The following ABCF3 variants were observed in gnomAD, a reference collection of about 807,000 sequenced individuals.
ABCF3 encodes the protein ATP-binding cassette sub-family F member 3.
A neutral mutation model predicts 94.3 loss-of-function variants in ABCF3; 62 were observed. That is an observed-to-expected ratio of 0.66 (90% confidence interval 0.54 to 0.81). The LOEUF (loss-of-function observed/expected upper bound fraction) is 0.81. Among genes scored for constraint, ABCF3 ranks in the 40% least tolerant of loss-of-function variants. The pLI is 0.00. For synonymous variants in ABCF3, 355 were observed against 361.1 expected, an observed-to-expected ratio of 0.98 and a Z score of 0.19; for missense variants, 843 against 925.3, an observed-to-expected ratio of 0.91 and a Z score of 1.15.
chr3:184,189,847 A>T lies in ABCF3; in HGVS notation c.1315-8A>T. The T allele has an allele frequency of 6.2e-7, 1 of 1,614,128 alleles. No homozygotes were observed. Among genetic ancestry groups the T allele is most frequent in the Non-Finnish European group, 8.5e-7 (1 of 1,180,018 alleles). ...ATTTGACCAATGCCTACACTCCTCC[A>T]CCTGCAGGTTTTCATTGACCGGTTT... On this transcript the variant is annotated splice_polypyrimidine_tract_variant and splice_region_variant and intron_variant, in intron 13 of 20. Transcript: ENST00000429586.
At position 184,186,803 on chromosome 3, in the gene ABCF3, C is replaced by T; in HGVS notation, c.229C>T (p.Pro77Ser). The stretch of plus-strand genomic sequence containing the variant: ...CTATCCCTACCCACATAGGGCTGAG[C>T]CACAAAGCCAGGGAAATAGCCAGGT... ...RMYNTLRLAE[P>S]QSQGNSQVLL... The change falls in exon 3 of 21, where the codon CCA becomes TCA. Residue 77 changes from proline (P) to serine (S), a missense_variant. Pro to Ser is a moderately conservative substitution (Grantham distance 74). Coordinates refer to ENST00000429586, the MANE Select transcript of ABCF3 (RefSeq NM_018358.3). The T allele has an allele frequency of 6.2e-7, 1 of 1,613,764 alleles. No homozygotes were observed. The highest frequency in any genetic ancestry group is 8.5e-7 in the Non-Finnish European group (1 of 1,179,846).
In ABCF3 at chr3:184,187,682, T is replaced by C. The variant is rs1240978459; in HGVS notation, c.367T>C (p.Leu123=). 6.2e-7 allele frequency: 1 copy of C among 1,613,998 alleles called. No individual in the cohort carries two copies. Among genetic ancestry groups the C allele is most frequent in the Non-Finnish European group, 8.5e-7 (1 of 1,180,002 alleles). Residue 123 remains leucine (L), a synonymous_variant, in exon 5 of 21, where the codon TTA becomes CTA. Coordinates refer to ENST00000429586, the MANE Select transcript of ABCF3 (RefSeq NM_018358.3). ...CCCTTAGACAGTGAATGCAAAGAAG[T>C]TAGAGAAGGCCGAGGCTCGACTTAA... is the stretch of plus-strand genomic sequence containing the variant. ...EQSSTVNAKK[L]EKAEARLKAK...
Position 184,188,292 on chromosome 3 carries a change from C to CAAG in ABCF3, c.723_725dup (p.Glu242dup). On this transcript the variant is annotated inframe_insertion, in exon 7 of 21. Transcript: ENST00000429586. ...CCACATTTCCCTGCTGCACGTTGAG[C>CAAG]AAGAGGTTGCTGGAGATGACACTCC... The CAAG allele has an allele frequency of 6.2e-7, 1 of 1,614,146 alleles. No individual in the cohort carries two copies. Among genetic ancestry groups the CAAG allele is most frequent in the South Asian group, 1.1e-5 (1 of 91,086 alleles).
At chr3:184,187,060 C>T in intron 3 of ABCF3, 185 bp downstream of exon 3, 1 of 669,834 alleles carries the variant, frequency 1.5e-6, no homozygotes, top group Non-Finnish European at 2.5e-6. Flanking sequence ...GAGGGTTCTC[C>T]CTCCAAGCTC....
intron 4 of ABCF3, 72 bp downstream of exon 4, chr3:184,187,515 T>C (rs1030080281): frequency 1.3e-6 from 2 of 1,558,600 alleles, no homozygotes; most frequent in Admixed American, 3.3e-5. Flanking sequence ...TTGGAGTATC[T>C]TTTGGGGGGA....
Position 184,189,629 on chromosome 3 carries a change from C to A in ABCF3, c.1186C>A (p.His396Asn). The A allele has an allele frequency of 6.2e-7, 1 of 1,614,238 alleles. No individual in the cohort carries two copies. Among genetic ancestry groups the A allele is most frequent in the Non-Finnish European group, 8.5e-7 (1 of 1,180,050 alleles). The change falls in exon 13 of 21, where the codon CAC (histidine) becomes AAC (asparagine). Residue 396 changes from histidine to asparagine, a missense_variant. His to Asn is a moderately conservative substitution (Grantham distance 68). Coordinates refer to ENST00000429586, the MANE Select transcript of ABCF3 (RefSeq NM_018358.3). ...FLNAIATDII[H>N]LHSQRLDGYR... ...GAATGCCATCGCCACAGACATCATC[C>A]ACCTGCACAGCCAGCGGCTAGATGG...
At chr3:184,189,334 G>A (rs1715857680) in intron 11 of ABCF3, 54 bp from the exon 12 acceptor site, 1 of 1,614,212 alleles carries the variant, frequency 6.2e-7, no homozygotes, top group Non-Finnish European at 8.5e-7. Flanking sequence ...TAGCATCCAA[G>A]TTCCTAGTTC....
Position 184,188,225 on chromosome 3 carries a change from G to A in ABCF3, c.654G>A (p.Thr218=), listed in dbSNP as rs368028401. 8.1e-6 allele frequency: 13 copies of A among 1,614,038 alleles called. No individual in the cohort carries two copies. In the African/African-American group the frequency reaches 9.3e-5, roughly 12 times the overall value. Residue 218 remains threonine (T), a synonymous_variant, in exon 7 of 21, where the codon ACG becomes ACA. Transcript: ENST00000429586. ...GGCGGAATGGGTTGGGGAAGACAAC[G>A]TTACTGAAGATGCTGGCCACCCGGA... ...LVGRNGLGKT[T]LLKMLATRSL...
intron 15 of ABCF3, 26 bp from the exon 16 acceptor site, chr3:184,191,097 C>T (rs1485596575): frequency 6.2e-7 from 1 of 1,614,214 alleles, no homozygotes; most frequent in South Asian, 1.1e-5. Flanking sequence ...CAGCTGCCCC[C>T]ACATCCTCAC....
At position 184,193,263 on chromosome 3, in the gene ABCF3, C is replaced by T. The variant is rs1388824097; in HGVS notation, c.1883+29C>T. On this transcript the variant is annotated intron_variant, in intron 19 of 20. Transcript: ENST00000429586. The surrounding 1 kb of genome is among the most constrained non-coding windows in gnomAD (Gnocchi z 5.2). Reference sequence around the variant, plus strand: ...AGGCCTCATTTTCCAGAGCTCTTCCCCTCCCATTTCCCCTTCTTGCCCAGT... The same window carrying T: ...AGGCCTCATTTTCCAGAGCTCTTCCTCTCCCATTTCCCCTTCTTGCCCAGT... 1.3e-6 allele frequency: 2 copies of T among 1,587,408 alleles called. No individual in the cohort carries two copies. Among genetic ancestry groups the T allele is most frequent in the Admixed American group, 3.5e-5 (2 of 57,620 alleles).
intron 16 of ABCF3, 60 bp downstream of exon 16, chr3:184,191,315 G>A (rs1716010736): frequency 6.2e-7 from 1 of 1,607,144 alleles, no homozygotes; most frequent in African/African-American, 1.3e-5. Flanking sequence ...TGTGTGGTGT[G>A]GATTGGCCCA....
rs1716120395 is a variant in ABCF3 at position 184,192,934 on chromosome 3, A to C, written c.1750+38A>C. ...TTTGAGTCGGGGGAAGAGTTTGAGT[A>C]GGGAAGAGGGCTGAGGCTGACCCCG... is the stretch of plus-strand genomic sequence containing the variant. On this transcript the variant is annotated intron_variant, in intron 18 of 20. Coordinates refer to ENST00000429586, the MANE Select transcript of ABCF3 (RefSeq NM_018358.3). The C allele has an allele frequency of 3.1e-6, 5 of 1,610,232 alleles. No homozygotes were observed. The East Asian group carries it at 1.1e-4, about 36-fold the overall frequency.
At chr3:184,189,053 ACACC>A in intron 9 of ABCF3, 31 bp from the exon 10 acceptor site, 1 of 1,614,028 alleles carries the variant, frequency 6.2e-7, no homozygotes, top group South Asian at 1.1e-5. Flanking sequence ...GCCCTGATGA[ACACC>A]CACCCATAAT....
At chr3:184,187,476 T>C in intron 4 of ABCF3, 33 bp downstream of exon 4, 1 of 1,602,472 alleles carries the variant, frequency 6.2e-7, no homozygotes, top group Non-Finnish European at 8.5e-7. Flanking sequence ...GGGGACTGTC[T>C]GTGATGGGGT....
chr3:184,188,405 C>T lies in ABCF3; in HGVS notation c.834C>T (p.Gly278=). ...AGCTCACTGCCCAGATTGCTGCTGG[C>T]AGGTGAGGACTCCCGGCTAGGGAGT... ...ERELTAQIAA[G]RAEGSEAAEL... is the part of the protein sequence containing the mutation. Residue 278 remains glycine, a splice_region_variant and synonymous_variant, in exon 7 of 21, where the codon GGC becomes GGT. Coordinates refer to ENST00000429586, the MANE Select transcript of ABCF3 (RefSeq NM_018358.3). 6.2e-7 allele frequency: 1 copy of T among 1,603,640 alleles called. No homozygotes were observed. Among genetic ancestry groups the T allele is most frequent in the Non-Finnish European group, 8.5e-7 (1 of 1,172,910 alleles).
At position 184,186,778 on chromosome 3, in the gene ABCF3, C is replaced by A. The variant is rs1311529414; in HGVS notation, c.222-18C>A. 4 of 1,611,282 alleles carry A rather than the reference C, an allele frequency of 2.5e-6. No individual in the cohort carries two copies. Among genetic ancestry groups the A allele is most frequent in the South Asian group, 1.1e-5 (1 of 90,776 alleles). On this transcript the variant is annotated intron_variant, in intron 2 of 20. Transcript: ENST00000429586. ...CCCTCAACTCCTAACTCTGCGCTTT[C>A]TATCCCTACCCACATAGGGCTGAGC...
At chr3:184,191,067 G>T in intron 15 of ABCF3, 24 bp downstream of exon 15, 1 of 1,614,216 alleles carries the variant, frequency 6.2e-7, no homozygotes, top group Non-Finnish European at 8.5e-7. Flanking sequence ...CAGTGGGGCT[G>T]GTGGGGAATT....
Position 184,193,929 on chromosome 3 carries a change from G to A in ABCF3, c.*231G>A. 1.9e-6 allele frequency: 1 copy of A among 533,654 alleles called. No individual in the cohort carries two copies. Among genetic ancestry groups the A allele is most frequent in the South Asian group, 2.8e-5 (1 of 36,014 alleles). 33.1% of individuals were successfully genotyped at this position (533,654 alleles called of 1,614,324 possible). On this transcript the variant is annotated 3_prime_UTR_variant, in exon 21 of 21. Coordinates refer to ENST00000429586, the MANE Select transcript of ABCF3 (RefSeq NM_018358.3). This position sits in a 1 kb window ranked among gnomAD's most constrained non-coding sequence, Gnocchi z 5.2. ...GGGGGTCTGGGGGGTACCCTCTGGG[G>A]TTATAGATTCCCCCACTGCCCCAGC...
At chr3:184,190,971 ATCTAGTC>A (rs1560135692) in intron 14 of ABCF3, 21 bp from the exon 15 acceptor site, 1 of 1,613,064 alleles carries the variant, frequency 6.2e-7, no homozygotes, top group South Asian at 1.1e-5. Context: ...TAAGTAATAA[ATCTAGTC>A]TACCTCATCT....
Sources: allele counts gnomAD v4.1 joint callset, GRCh38; gene constraint gnomAD v4.1.1; non-coding constraint Gnocchi (gnomAD v3.1); transcripts MANE v1.5; gene names NCBI Gene and HGNC (gene_info 2026-07-23, HGNC 2026-07-21).